FBXO34: variants seen among roughly 807,000 people sequenced by gnomAD.
FBXO34 encodes the protein F-box only protein 34.
A neutral mutation model predicts 24.5 loss-of-function variants in FBXO34; 12 were observed. The observed-to-expected ratio is 0.49, with a 90% CI of 0.31 to 0.79. FBXO34 has a LOEUF of 0.79. FBXO34 is among the 30% of genes least tolerant of loss of function. The probability of loss-of-function intolerance (pLI) is 0.04; values close to 1 mark genes in which losing one functional copy is unlikely to be tolerated. For missense variants in FBXO34, 823 were observed against 857.7 expected (o/e 0.96, Z 0.51); for synonymous variants, 320 against 311.9 (o/e 1.03, Z -0.27).
chr14:55,334,005 G>A (rs1217144212), intron 1 of FBXO34, among the ~76,000 whole-genome samples: 3 of 152,114 alleles, frequency 2.0e-5, no homozygotes, highest in Non-Finnish European at 4.4e-5. Context: ...TAACTTTATT[G>A]TGGAAGTGTT....
the FBXO34 span, among the ~76,000 whole-genome samples, chr14:55,409,230 C>T: frequency 2.0e-5 from 3 of 152,178 alleles, no homozygotes; most frequent in East Asian, 5.8e-4. Flanking sequence ...TCCCAGTTTT[C>T]TGGCTTTAGT....
At chr14:55,400,891 G>A in the FBXO34 span, among the ~76,000 whole-genome samples, 1 of 150,164 alleles carries the variant, frequency 6.7e-6, no homozygotes, top group Admixed American at 6.6e-5. Flanking sequence ...GTGACAGAGT[G>A]AGACTGTCTC....
At chr14:55,283,741 G>C (rs376746659) in intron 1 of FBXO34, among the ~76,000 whole-genome samples, 1 of 152,112 alleles carries the variant, frequency 6.6e-6, no homozygotes. Flanking sequence ...TTACAGGCAC[G>C]TGAGCCACCA....
chr14:55,411,550 G>A, the FBXO34 span: 6 of 1,534,372 alleles, frequency 3.9e-6, no homozygotes, highest in South Asian at 2.4e-5. Flanking sequence ...TCGGCTGCCT[G>A]GCTGGAGGAC....
intron 1 of FBXO34, among the ~76,000 whole-genome samples, chr14:55,309,857 T>C (rs1480921029): frequency 6.6e-6 from 1 of 152,208 alleles, no homozygotes; most frequent in Non-Finnish European, 1.5e-5. Context: ...GAGCCTGTTA[T>C]TCCATTCGTA....
At chr14:55,405,895 G>C in the FBXO34 span, among the ~76,000 whole-genome samples, 2 of 151,938 alleles carry the variant, frequency 1.3e-5, no homozygotes, top group Admixed American at 6.6e-5. Context: ...GTGGCGGGGG[G>C]GGCAGGGGAA....
the FBXO34 span, among the ~76,000 whole-genome samples, chr14:55,430,983 A>G: frequency 1.3e-5 from 2 of 152,218 alleles, no homozygotes; most frequent in African/African-American, 4.8e-5. Context: ...TGAAACAACT[A>G]ATAGTTGAAA....
At chr14:55,358,100 C>T (rs926994751), downstream of FBXO34, among the ~76,000 whole-genome samples, 9 of 150,234 alleles carry the variant, frequency 6.0e-5, no homozygotes, top group Admixed American at 6.6e-5. Flanking sequence ...ATACAGACAA[C>T]GCAGCATGAT....
chr14:55,394,947 T>G, the FBXO34 span: 1 of 393,216 alleles, frequency 2.5e-6, no homozygotes, highest in South Asian at 2.0e-5. Flanking sequence ...TGATTTCACC[T>G]CCTAAAAAAA....
At chr14:55,323,178 C>G (rs1566555662) in intron 1 of FBXO34, among the ~76,000 whole-genome samples, 1 of 40,386 alleles carries the variant, frequency 2.5e-5, no homozygotes, top group African/African-American at 1.3e-4. Flanking sequence ...GAGTGAGACT[C>G]TGTCTCAAAA....
At chr14:55,428,088 C>G in the FBXO34 span, among the ~76,000 whole-genome samples, 4 of 146,440 alleles carry the variant, frequency 2.7e-5, no homozygotes, top group Non-Finnish European at 4.5e-5. Flanking sequence ...AAGCCCCTTC[C>G]TACCGGCCTA....
the FBXO34 span, chr14:55,440,646 A>G: frequency 4.6e-6 from 6 of 1,315,570 alleles, no homozygotes; most frequent in Non-Finnish European, 6.1e-6. Flanking sequence ...GGGATGCGGA[A>G]CCCAGCTACC....
the FBXO34 span, chr14:55,433,750 C>T: frequency 1.9e-6 from 3 of 1,603,850 alleles, no homozygotes; most frequent in Non-Finnish European, 2.6e-6. Context: ...AGAGAATTAG[C>T]CTCTGCTAGG....
chr14:55,331,664 G>GGTGT (rs1346954796), intron 1 of FBXO34, among the ~76,000 whole-genome samples: 2 of 67,072 alleles, frequency 3.0e-5, no homozygotes, highest in African/African-American at 1.9e-4. Context: ...ATACCAACAT[G>GGTGT]GTGTGTGTAT....
At chr14:55,318,979 A>G (rs1392756380) in intron 1 of FBXO34, among the ~76,000 whole-genome samples, 3 of 152,160 alleles carry the variant, frequency 2.0e-5, no homozygotes, top group Admixed American at 6.5e-5. Flanking sequence ...ACACTAGGTC[A>G]TCTCACAGTC....
At chr14:55,435,548 A>C in the FBXO34 span, among the ~76,000 whole-genome samples, 2 of 152,210 alleles carry the variant, frequency 1.3e-5, no homozygotes, top group Non-Finnish European at 2.9e-5. Context: ...TGCTGGGATT[A>C]CAGGAGTGAG....
chr14:55,413,829 C>T, the FBXO34 span: 1 of 390,088 alleles, frequency 2.6e-6, no homozygotes, highest in Non-Finnish European at 5.0e-6. Context: ...AAATCTTGCC[C>T]TTGTTTACAA....
the FBXO34 span, among the ~76,000 whole-genome samples, chr14:55,405,120 T>A: frequency 1.2e-3 from 187 of 152,260 alleles, 1 homozygote; most frequent in African/African-American, 4.3e-3. Context: ...AGTGAAACAG[T>A]CGTAAGGCTG....
intron 1 of FBXO34, among the ~76,000 whole-genome samples, chr14:55,340,173 G>A (rs997811205): frequency 1.3e-5 from 2 of 152,168 alleles, no homozygotes; most frequent in African/African-American, 4.8e-5. Flanking sequence ...GTACGGGGGT[G>A]TGCCACTGTG....
Sources: gnomAD v4.1 joint callset for allele counts (sites outside exome capture counted in the v4.1 genomes callset) on GRCh38, gnomAD v4.1.1 for gene constraint, MANE v1.5 for transcripts, NCBI Gene and HGNC (gene_info 2026-07-23, HGNC 2026-07-21) for gene names.